ACTN3: variants seen among roughly 807,000 people sequenced by gnomAD.
ACTN3 encodes the protein actinin alpha 3.
In ACTN3, 91 loss-of-function variants were observed where a neutral mutation model predicts 119.6. The observed-to-expected ratio is 0.76, with a 90% CI of 0.64 to 0.91. The LOEUF is 0.91. Ranked by LOEUF, ACTN3 falls within the 40% of genes least tolerant of loss-of-function variation. ACTN3 has a pLI of 0.00. For synonymous variants in ACTN3, 456 were observed against 478.8 expected (o/e 0.95, Z 0.62); for missense variants, 1,221 against 1,215.1 (o/e 1.00, Z -0.07).
In ACTN3 at chr11:66,551,399, A is replaced by G. The variant is rs746882588; in HGVS notation, c.262+46A>G. 8.9e-6 allele frequency: 14 copies of G among 1,573,860 alleles called. No homozygotes were observed. The Admixed American group carries it at 2.1e-4, about 23-fold the overall frequency. On this transcript the variant is annotated intron_variant, in intron 2 of 20. Transcript: ENST00000513398. ...CACCTGGGCCCCAGGACCCAGGAAC[A>G]TCTGGACAGCAGGGGGAATAGGGTG... is the stretch of plus-strand genomic sequence containing the variant.
upstream of ACTN3, chr11:66,546,554 G>A (rs917294820): frequency 1.3e-6 from 2 of 1,535,522 alleles, no homozygotes; most frequent in African/African-American, 2.7e-5. Flanking sequence ...TGCTGGAAGA[G>A]GCTCACGAGG....
chr11:66,546,766 T>C, upstream of ACTN3: 3 of 1,533,920 alleles, frequency 2.0e-6, no homozygotes, highest in South Asian at 2.4e-5. Flanking sequence ...AGTTCCCGGC[T>C]TCAGGACAAC....
Position 66,560,287 on chromosome 11 carries a change from G to C in ACTN3, c.1653G>C (p.Leu551=), listed in dbSNP as rs1189586026. The C allele has an allele frequency of 2.5e-6, 4 of 1,613,184 alleles. No individual in the cohort carries two copies. Among genetic ancestry groups the C allele is most frequent in the Non-Finnish European group, 3.4e-6 (4 of 1,179,668 alleles). Residue 551 remains leucine (L), a synonymous_variant, in exon 14 of 21, where the codon CTG becomes CTC. Coordinates refer to ENST00000513398, the MANE Select transcript of ACTN3 (RefSeq NM_001104.4). ...GAVEDLQDVW[L]VHSVEETQSL... ...TGGAGGACCTGCAGGACGTGTGGCTGGTACACTCTGTGGAGGAGACCCAGG... is the reference window on the plus strand; with the variant it reads ...TGGAGGACCTGCAGGACGTGTGGCTCGTACACTCTGTGGAGGAGACCCAGG...
intron 4 of ACTN3, 29 bp downstream of exon 4, chr11:66,554,160 A>G: frequency 1.2e-6 from 2 of 1,601,320 alleles, no homozygotes; most frequent in Non-Finnish European, 1.7e-6. Context: ...GGTTGGGGCC[A>G]GGTGCAGTGG....
At chr11:66,549,185 A>G (rs928063731) in intron 1 of ACTN3, among the ~76,000 whole-genome samples, 1 of 152,154 alleles carries the variant, frequency 6.6e-6, no homozygotes, top group Non-Finnish European at 1.5e-5. Flanking sequence ...AAATGTAGCA[A>G]GTGTTTCTCA....
intron 17 of ACTN3, 113 bp from the exon 18 acceptor site, chr11:66,561,909 G>A: frequency 1.5e-6 from 2 of 1,304,546 alleles, no homozygotes; most frequent in Non-Finnish European, 2.1e-6. Context: ...GGGGATGGAG[G>A]CCCAGTGAGG....
Position 66,563,086 on chromosome 11 carries a change from G to T in ACTN3, c.2599G>T (p.Glu867Ter). ...GCGCGAGCTCCCTGCCAAGCAGGCC[G>T]AGTACTGCATCCGCCGTATGGTGCC... ...LRRELPAKQA[E>*]YCIRRMVPYK... Residue 867 changes from glutamate (E) to a stop codon, truncating the protein, a stop_gained, in exon 21 of 21, where the codon GAG (glutamate) becomes TAG (stop). Transcript: ENST00000513398. LOFTEE classifies it high-confidence loss of function. 6.2e-7 allele frequency: 1 copy of T among 1,613,180 alleles called. No individual in the cohort carries two copies. The highest frequency in any genetic ancestry group is 8.5e-7 in the Non-Finnish European group (1 of 1,179,716).
chr11:66,560,453 C>T (rs1220694712), intron 14 of ACTN3, 120 bp from the exon 15 acceptor site: 26 of 1,469,028 alleles, frequency 1.8e-5, no homozygotes, highest in African/African-American at 4.2e-5. Flanking sequence ...GACAGGAGGC[C>T]GGGGTTCTTG....
rs1221925295 is a variant in ACTN3 at position 66,557,861 on chromosome 11, A to G, written c.1060A>G (p.Thr354Ala). 6.2e-7 allele frequency: 1 copy of G among 1,614,130 alleles called. No individual in the cohort carries two copies. Among genetic ancestry groups the G allele is most frequent in the Admixed American group, 1.7e-5 (1 of 60,018 alleles). ...EKCQLEINFN[T>A]LQTKLRLSHR... ...GTGCCAGCTGGAGATCAACTTCAAC[A>G]CACTGCAGACCAAGTTGCGGCTCAG... Residue 354 changes from threonine to alanine, a missense_variant, in exon 10 of 21, where the codon ACA (threonine) becomes GCA (alanine). Around this residue, in one of 3 missense-constraint regions of ACTN3, gnomAD observed 934 missense variants for 899.9 expected, o/e 1.04. Transcript: ENST00000513398.
intron 1 of ACTN3, among the ~76,000 whole-genome samples, chr11:66,549,506 C>T (rs185563817): frequency 1.2e-3 from 182 of 151,968 alleles, no homozygotes; most frequent in African/African-American, 4.3e-3. Context: ...CGGAGGGGGG[C>T]GGATCACCTG....
chr11:66,551,471 A>G lies in ACTN3; in HGVS notation c.263-57A>G, dbSNP rs932783182. 11 of 1,587,132 alleles carry G rather than the reference A, an allele frequency of 6.9e-6. No homozygotes were observed. The African/African-American group carries it at 9.4e-5, about 14-fold the overall frequency. On this transcript the variant is annotated intron_variant, in intron 2 of 20. Coordinates refer to ENST00000513398, the MANE Select transcript of ACTN3 (RefSeq NM_001104.4). ...GGTGGGGAGGGGAGAGTTTGCGGAC[A>G]ATAGCTTCAGCTGCCTCTCATGACC...
chr11:66,563,234 T>C lies in ACTN3; in HGVS notation c.*41T>C. ...TTCTCTATGCAAGATGGAGAGAGGA[T>C]GCACCCTGTGGCTGATCCCATCCGT... On this transcript the variant is annotated 3_prime_UTR_variant, in exon 21 of 21. Transcript: ENST00000513398. 6.4e-7 allele frequency: 1 copy of C among 1,559,666 alleles called. No homozygotes were observed. The highest frequency in any genetic ancestry group is 8.7e-7 in the Non-Finnish European group (1 of 1,149,738).
chr11:66,562,589 C>CA (rs1319088505), intron 19 of ACTN3, among the ~76,000 whole-genome samples: 3 of 152,104 alleles, frequency 2.0e-5, no homozygotes, highest in Admixed American at 6.5e-5. Flanking sequence ...GACCAGGGAG[C>CA]AAATCTGCTT....
At chr11:66,556,417 C>G (rs957743267) in intron 8 of ACTN3, among the ~76,000 whole-genome samples, 187 bp downstream of exon 8, 1 of 152,164 alleles carries the variant, frequency 6.6e-6, no homozygotes, top group African/African-American at 2.4e-5. Context: ...GAGCCGTGCT[C>G]CCCCAATCCC....
At chr11:66,561,660 G>A in intron 17 of ACTN3, 23 bp downstream of exon 17, 5 of 1,601,322 alleles carry the variant, frequency 3.1e-6, no homozygotes, top group Non-Finnish European at 4.3e-6. Context: ...CCTCTCAGGA[G>A]AGTGGGGAGG....
chr11:66,559,735 GC>G (rs961885678), intron 12 of ACTN3, among the ~76,000 whole-genome samples: 82 of 30,678 alleles, frequency 2.7e-3, no homozygotes, highest in Non-Finnish European at 4.1e-3. Flanking sequence ...GCGCAACCCC[GC>G]CCCTCCACCC....
At position 66,556,156 on chromosome 11, in the gene ACTN3, A is replaced by T. The variant is rs1416134077; in HGVS notation, c.730A>T (p.Thr244Ser). The part of the protein sequence containing the change: ...KMLDAEDIVN[T>S]PKPDEKAIMT... ...CTGTCCTCCCCTAGACATTGTGAAC[A>T]CCCCAAAGCCGGATGAGAAGGCCAT... Residue 244 changes from threonine to serine, a missense_variant, in exon 8 of 21, where the codon ACC becomes TCC. Around this residue, in one of 3 missense-constraint regions of ACTN3, gnomAD observed 934 missense variants for 899.9 expected, o/e 1.04. Transcript: ENST00000513398. 1.1e-5 allele frequency: 17 copies of T among 1,612,760 alleles called. No individual in the cohort carries two copies. Among genetic ancestry groups the T allele is most frequent in the Non-Finnish European group, 1.4e-5 (16 of 1,179,464 alleles).
chr11:66,554,142 G>A lies in ACTN3; in HGVS notation c.469+11G>A, dbSNP rs777483967. The A allele has an allele frequency of 3.7e-6, 6 of 1,613,470 alleles. No homozygotes were observed. The East Asian group carries it at 1.3e-4, about 36-fold the overall frequency. ...ACATCTCTGTGGAAGGTGAGCAATGGGAAAGGAGGTTGGGGCCAGGTGCAG... is the reference window on the plus strand; with the variant it reads ...ACATCTCTGTGGAAGGTGAGCAATGAGAAAGGAGGTTGGGGCCAGGTGCAG... On this transcript the variant is annotated intron_variant, in intron 4 of 20. Coordinates refer to ENST00000513398, the MANE Select transcript of ACTN3 (RefSeq NM_001104.4).
chr11:66,551,854 C>T (rs370808453), intron 3 of ACTN3: 4 of 259,528 alleles, frequency 1.5e-5, no homozygotes, highest in African/African-American at 7.0e-5. Flanking sequence ...GGCCAGTGGA[C>T]TGCTTGAGGC....
Sources: allele counts gnomAD v4.1 joint callset (sites outside exome capture counted in the v4.1 genomes callset), GRCh38; gene constraint gnomAD v4.1.1; regional missense constraint gnomAD v4.1.1; transcripts MANE v1.5; gene names NCBI Gene and HGNC (gene_info 2026-07-23, HGNC 2026-07-21).